Variants in TRIP10 observed in about 807,000 individuals in gnomAD.
TRIP10 encodes the protein thyroid hormone receptor interactor 10.
TRIP10 carries 54 observed loss-of-function variants against 80.9 expected under a neutral mutation model. The observed-to-expected ratio is 0.67, with a 90% CI of 0.54 to 0.84. The LOEUF (loss-of-function observed/expected upper bound fraction) is 0.84. Ranked by LOEUF, TRIP10 falls within the 40% of genes least tolerant of loss-of-function variation. The probability of loss-of-function intolerance (pLI) is 0.00; values close to 1 mark genes in which losing one functional copy is unlikely to be tolerated. For missense variants in TRIP10, 773 were observed against 815.3 expected, an observed-to-expected ratio of 0.95 and a Z score of 0.63; for synonymous variants, 321 against 307.2, an observed-to-expected ratio of 1.04 and a Z score of -0.47.
rs1472315541 is a variant in TRIP10 at position 6,746,751 on chromosome 19, C to A, written c.1262+190C>A. The stretch of plus-strand genomic sequence containing the variant: ...CACTGCAATCGCCACATCCCAGGTT[C>A]AAGCAATTCTTGTGCCTCAGCCTGC... On this transcript the variant is annotated intron_variant, in intron 11 of 14. Coordinates refer to ENST00000313244, the MANE Select transcript of TRIP10 (RefSeq NM_001288962.2). The surrounding 1 kb of genome is among the most constrained non-coding windows in gnomAD (Gnocchi z 6.2). Among the ~76,000 whole-genome samples, 5 of 152,130 alleles carry A rather than the reference C, an allele frequency of 3.3e-5. No homozygotes were observed. The highest frequency in any genetic ancestry group is 4.4e-5 in the Non-Finnish European group (3 of 68,040).
At chr19:6,747,952 A>G (rs562948177) in intron 11 of TRIP10, among the ~76,000 whole-genome samples, 125 of 150,270 alleles carry the variant, frequency 8.3e-4, no homozygotes, top group African/African-American at 2.7e-3. Flanking sequence ...TTAGAAGAAG[A>G]AGAAGAAAAA....
Position 6,746,537 on chromosome 19 carries a change from A to C in TRIP10, c.1238A>C (p.Glu413Ala). 6.2e-7 allele frequency: 1 copy of C among 1,614,188 alleles called. No homozygotes were observed. Among genetic ancestry groups the C allele is most frequent in the Non-Finnish European group, 8.5e-7 (1 of 1,180,022 alleles). Residue 413 changes from glutamate (E) to alanine (A), a missense_variant, in exon 11 of 15, where the codon GAA becomes GCA. By Grantham distance (107) the Glu-to-Ala change is moderately radical. Transcript: ENST00000313244. The surrounding 1 kb of genome is among the most constrained non-coding windows in gnomAD (Gnocchi z 6.2). ...CAGCAGTTGGAAGAACGCAGTCGTG[A>C]ACTTCAGAAGGAGGTTGACCAGAGG... Reference protein sequence around the residue: ...LQQQLEERSRELQKEVDQREA... With the variant: ...LQQQLEERSRALQKEVDQREA...
At chr19:6,749,082 C>T (rs967275648) in intron 11 of TRIP10, among the ~76,000 whole-genome samples, 19 of 151,974 alleles carry the variant, frequency 1.3e-4, no homozygotes, top group African/African-American at 4.4e-4. Flanking sequence ...CCCCTGCCCC[C>T]CCTTCTTTTT....
chr19:6,744,902 A>G lies in TRIP10; in HGVS notation c.892A>G (p.Ser298Gly). The G allele has an allele frequency of 6.2e-7, 1 of 1,614,222 alleles. No individual in the cohort carries two copies. The highest frequency in any genetic ancestry group is 8.5e-7 in the Non-Finnish European group (1 of 1,180,050). The change falls in exon 9 of 15, where the codon AGC becomes GGC. Residue 298 changes from serine to glycine, a missense_variant. Coordinates refer to ENST00000313244, the MANE Select transcript of TRIP10 (RefSeq NM_001288962.2). This position sits in a 1 kb window ranked among gnomAD's most constrained non-coding sequence, Gnocchi z 4.9. ...GCCCATGAACCGTGCACCCTCCGAC[A>G]GCAGTCTGGGCACCCCCTCGGATGG... ...SQPMNRAPSD[S>G]SLGTPSDGRP...
chr19:6,746,765 G>C lies in TRIP10; in HGVS notation c.1262+204G>C, dbSNP rs567596564. Reference sequence around the variant, plus strand: ...CATCCCAGGTTCAAGCAATTCTTGTGCCTCAGCCTGCCGATTAGCTAGGAC... The same window carrying C: ...CATCCCAGGTTCAAGCAATTCTTGTCCCTCAGCCTGCCGATTAGCTAGGAC... On this transcript the variant is annotated intron_variant, in intron 11 of 14. Coordinates refer to ENST00000313244, the MANE Select transcript of TRIP10 (RefSeq NM_001288962.2). The surrounding 1 kb of genome is among the most constrained non-coding windows in gnomAD (Gnocchi z 6.2). Among the ~76,000 whole-genome samples, 22 of 152,178 alleles carry C rather than the reference G, an allele frequency of 1.4e-4. No individual in the cohort carries two copies. Among genetic ancestry groups the C allele is most frequent in the Middle Eastern group, 3.4e-3 (1 of 294 alleles).
At chr19:6,743,396 T>C in intron 5 of TRIP10, 98 bp from the exon 6 acceptor site, 1 of 1,526,660 alleles carries the variant, frequency 6.6e-7, no homozygotes, top group Non-Finnish European at 9.0e-7. Flanking sequence ...TGACCCCTAC[T>C]TACTGGATGA....
In TRIP10 at chr19:6,746,240, G is replaced by A. The variant is rs1599565091; in HGVS notation, c.1152+44G>A. The A allele has an allele frequency of 2.0e-6, 3 of 1,491,064 alleles. No individual in the cohort carries two copies. The highest frequency in any genetic ancestry group is 2.7e-6 in the Non-Finnish European group (3 of 1,114,870). The allele number at this position is 1,491,064 out of a possible 1,614,324, so 92.4% of individuals were successfully genotyped here. On this transcript the variant is annotated intron_variant, in intron 10 of 14. Transcript: ENST00000313244. This position sits in a 1 kb window ranked among gnomAD's most constrained non-coding sequence, Gnocchi z 6.2. ...CAGGAGGAGGTGGTGGCCCTAGCCT[G>A]CCCAGCGGCGGGTGGCGGGACCCTG...
chr19:6,751,491 A>G lies in TRIP10; in HGVS notation c.*280A>G. 1.4e-6 allele frequency: 1 copy of G among 689,942 alleles called. No individual in the cohort carries two copies. The allele number at this position is 689,942 out of a possible 1,614,324, so 42.7% of individuals were successfully genotyped here. A position where few individuals can be genotyped will look rare whatever the true frequency, so the allele number is the denominator to read the frequency against. ...TGTTTTATACAAAAATGGGAAAAAA[A>G]AAAAAGAAATTATATAAAGTTCCTA... On this transcript the variant is annotated 3_prime_UTR_variant, in exon 15 of 15. Coordinates refer to ENST00000313244, the MANE Select transcript of TRIP10 (RefSeq NM_001288962.2).
chr19:6,747,786 C>G (rs1414389151), intron 11 of TRIP10, among the ~76,000 whole-genome samples: 1 of 129,340 alleles, frequency 7.7e-6, no homozygotes, highest in Admixed American at 7.8e-5. Flanking sequence ...CAGCGAGTCT[C>G]TACCTCAAAT....
rs778897347 is a variant in TRIP10 at position 6,744,809 on chromosome 19, G to T, written c.799G>T (p.Val267Phe). ...NAVDPKNDSH[V>F]LIELHKSGFA... ...TGTCCCCCTCCCCCAGGACTCCCACGTCCTTATAGAGCTGCACAAGTCAGG... is the reference window on the plus strand; with the variant it reads ...TGTCCCCCTCCCCCAGGACTCCCACTTCCTTATAGAGCTGCACAAGTCAGG... The change falls in exon 9 of 15, where the codon GTC becomes TTC. Residue 267 changes from valine to phenylalanine, a missense_variant. Physicochemically the swap from Val to Phe is conservative, Grantham distance 50. Transcript: ENST00000313244. This position sits in a 1 kb window ranked among gnomAD's most constrained non-coding sequence, Gnocchi z 4.9. The T allele has an allele frequency of 6.2e-7, 1 of 1,613,332 alleles. No homozygotes were observed. Among genetic ancestry groups the T allele is most frequent in the Admixed American group, 1.7e-5 (1 of 59,936 alleles).
intron 14 of TRIP10, 58 bp from the exon 15 acceptor site, chr19:6,751,005 A>G (rs1969285437): frequency 8.9e-6 from 13 of 1,464,932 alleles, no homozygotes; most frequent in Non-Finnish European, 1.2e-5. Context: ...AAAATAAAAA[A>G]TAAAAATAAT....
In TRIP10 at chr19:6,744,472, C is replaced by A; in HGVS notation, c.643-82C>A. On this transcript the variant is annotated intron_variant, in intron 7 of 14. Transcript: ENST00000313244. The surrounding 1 kb of genome is among the most constrained non-coding windows in gnomAD (Gnocchi z 4.9). The stretch of plus-strand genomic sequence containing the variant: ...TTGGGGCTGGGGCCAGCGTGGAGCG[C>A]GATCATATTTGCAGAGTGAATCACT... 6.3e-7 allele frequency: 1 copy of A among 1,583,788 alleles called. No individual in the cohort carries two copies. The highest frequency in any genetic ancestry group is 8.6e-7 in the Non-Finnish European group (1 of 1,166,362).
In TRIP10 at chr19:6,746,857, T is replaced by C. The variant is rs1347870986; in HGVS notation, c.1262+296T>C. On this transcript the variant is annotated intron_variant, in intron 11 of 14. Coordinates refer to ENST00000313244, the MANE Select transcript of TRIP10 (RefSeq NM_001288962.2). This position sits in a 1 kb window ranked among gnomAD's most constrained non-coding sequence, Gnocchi z 6.2. The stretch of plus-strand genomic sequence containing the variant: ...CGGGGTTTCCCCATATTAGCCAGGC[T>C]GTCTTGAACTCCTGGCCTCAGTTGA... Among the ~76,000 whole-genome samples, 5 of 152,276 alleles carry C rather than the reference T, an allele frequency of 3.3e-5. No individual in the cohort carries two copies. In the South Asian group the frequency reaches 1.0e-3, roughly 32 times the overall value.
At position 6,744,953 on chromosome 19, in the gene TRIP10, C is replaced by G; in HGVS notation, c.943C>G (p.Arg315Gly). 1.2e-6 allele frequency: 2 copies of G among 1,613,936 alleles called. No individual in the cohort carries two copies. The highest frequency in any genetic ancestry group is 1.3e-5 in the African/African-American group (1 of 75,046). Residue 315 changes from arginine (R) to glycine (G), a missense_variant, in exon 9 of 15, where the codon CGC (arginine) becomes GGC (glycine). Arg to Gly is a moderately radical substitution (Grantham distance 125). Coordinates refer to ENST00000313244, the MANE Select transcript of TRIP10 (RefSeq NM_001288962.2). The surrounding 1 kb of genome is among the most constrained non-coding windows in gnomAD (Gnocchi z 4.9). ...DGRPELRGPG[R>G]SRTKRWPFGK... ...ACGGCCTGAACTCCGAGGCCCGGGT[C>G]GCAGCCGCACCAAGCGCTGGCCTTT...
rs779758934 is a variant in TRIP10, at chr19:6,750,369, C to T, written c.1473C>T (p.Asp491=). 6.2e-7 allele frequency: 1 copy of T among 1,614,072 alleles called. No individual in the cohort carries two copies. Among genetic ancestry groups the T allele is most frequent in the Admixed American group, 1.7e-5 (1 of 60,010 alleles). The stretch of plus-strand genomic sequence containing the variant: ...TGAGCCGGCACGCCCGGCCTCCCGA[C>T]CCCCCCGCTAGCGCCCCGCCAGACA... ...DSLSRHARPP[D]PPASAPPDSS... Residue 491 remains aspartate, a synonymous_variant, in exon 13 of 15, where the codon GAC becomes GAT. Transcript: ENST00000313244.
intron 1 of TRIP10, 101 bp from the exon 2 acceptor site, chr19:6,740,909 A>G: frequency 1.9e-6 from 2 of 1,052,424 alleles, no homozygotes; most frequent in Non-Finnish European, 1.4e-6. Flanking sequence ...CTAGGAGCGC[A>G]GAGCCTTGGC....
At position 6,750,582 on chromosome 19, in the gene TRIP10, G is replaced by A; in HGVS notation, c.1606G>A (p.Glu536Lys). Residue 536 changes from glutamate (E) to lysine (K), a missense_variant, in exon 14 of 15, where the codon GAG becomes AAG. Transcript: ENST00000313244. The stretch of plus-strand genomic sequence containing the variant: ...CACGGAGTTTGATGAGGATTTCGAG[G>A]AGGAACCCACATCCCCCATAGGTCA... ...IYTEFDEDFE[E>K]EPTSPIGHCV... The A allele has an allele frequency of 1.9e-6, 3 of 1,614,214 alleles. No individual in the cohort carries two copies. The highest frequency in any genetic ancestry group is 1.1e-5 in the South Asian group (1 of 91,088).
intron 5 of TRIP10, 85 bp from the exon 6 acceptor site, chr19:6,743,409 T>G: frequency 6.5e-7 from 1 of 1,549,456 alleles, no homozygotes; most frequent in Non-Finnish European, 8.9e-7. Context: ...CTGGATGACA[T>G]CCCAATAATC....
At chr19:6,750,169 G>A (rs1037286834) in intron 12 of TRIP10, 103 bp downstream of exon 12, 26 of 1,568,770 alleles carry the variant, frequency 1.7e-5, no homozygotes, top group Non-Finnish European at 2.1e-5. Flanking sequence ...GGAGCGGGGG[G>A]TCTCCAGCTG....
Sources: allele counts gnomAD v4.1 joint callset (sites outside exome capture counted in the v4.1 genomes callset), GRCh38; gene constraint gnomAD v4.1.1; non-coding constraint Gnocchi (gnomAD v3.1); transcripts MANE v1.5; gene names NCBI Gene and HGNC (gene_info 2026-07-23, HGNC 2026-07-21).